TRAPPC6B: variants seen among roughly 807,000 people sequenced by gnomAD.
The protein encoded by TRAPPC6B is trafficking protein particle complex subunit 6B.
A neutral mutation model predicts 24.7 loss-of-function variants in TRAPPC6B; 27 were observed. That is an observed-to-expected ratio of 1.09 (90% CI 0.81 to 1.51). The LOEUF (loss-of-function observed/expected upper bound fraction) is 1.51. Ranked by LOEUF, TRAPPC6B falls within the 40% of genes most tolerant of loss-of-function variation. TRAPPC6B has a pLI of 0.00. For missense variants in TRAPPC6B, 212 were observed against 190.8 expected, an observed-to-expected ratio of 1.11 and a Z score of -0.66; for synonymous variants, 80 against 66.6, an observed-to-expected ratio of 1.20 and a Z score of -0.98.
chr14:39,165,690 G>A (rs1418217893), intron 1 of TRAPPC6B, among the ~76,000 whole-genome samples: 3 of 152,120 alleles, frequency 2.0e-5, no homozygotes, highest in South Asian at 2.1e-4. Context: ...CTAGCTATTC[G>A]AGAGGCTGAT....
At chr14:39,167,068 C>T (rs1793676678) in intron 1 of TRAPPC6B, among the ~76,000 whole-genome samples, 1 of 152,226 alleles carries the variant, frequency 6.6e-6, no homozygotes. Flanking sequence ...TATGCAGACA[C>T]TTTCAAATCC....
Position 39,148,014 on chromosome 14 carries a change from AG to A in TRAPPC6B, c.*2335del, listed in dbSNP as rs1449685374. The A allele has an allele frequency of 1.3e-5, 2 of 152,334 alleles. No individual in the cohort carries two copies. Among genetic ancestry groups the A allele is most frequent in the East Asian group, 3.9e-4 (2 of 5,184 alleles). 9.4% of individuals were successfully genotyped at this position (152,334 alleles called of 1,614,324 possible). On this transcript the variant is annotated 3_prime_UTR_variant, in exon 6 of 6. Coordinates refer to ENST00000330149, the MANE Select transcript of TRAPPC6B (RefSeq NM_001079537.2). ...ACCCAAAGCAAATGGAACAATATAA[AG>A]AATATCTCACATAACAAAAAGTCCA...
At chr14:39,169,854 C>T (rs1594548763) in intron 1 of TRAPPC6B, among the ~76,000 whole-genome samples, 161 bp downstream of exon 1, 1 of 152,276 alleles carries the variant, frequency 6.6e-6, no homozygotes, top group East Asian at 1.9e-4. Flanking sequence ...TCAAAGGAGA[C>T]AACTGACAGG....
chr14:39,167,744 AAAG>A (rs1380066989), intron 1 of TRAPPC6B, among the ~76,000 whole-genome samples: 4 of 152,306 alleles, frequency 2.6e-5, no homozygotes, highest in African/African-American at 9.6e-5. Context: ...GTAGAAAAAG[AAAG>A]TTATTTTTAG....
intron 1 of TRAPPC6B, among the ~76,000 whole-genome samples, chr14:39,161,590 TA>T (rs1247454364): frequency 6.6e-6 from 1 of 152,180 alleles, no homozygotes; most frequent in African/African-American, 2.4e-5. Flanking sequence ...TAAAATGCCT[TA>T]AAATCTGCCT....
intron 1 of TRAPPC6B, among the ~76,000 whole-genome samples, chr14:39,163,153 C>T (rs980177294): frequency 1.5e-4 from 23 of 150,474 alleles, no homozygotes; most frequent in South Asian, 2.1e-4. Context: ...GGGCGGATCA[C>T]GAAGTCAGGA....
At chr14:39,166,234 C>G (rs1300812472) in intron 1 of TRAPPC6B, among the ~76,000 whole-genome samples, 1 of 149,766 alleles carries the variant, frequency 6.7e-6, no homozygotes, top group Admixed American at 6.7e-5. Flanking sequence ...AGCCACCACA[C>G]TAACCCAGAG....
intron 3 of TRAPPC6B, chr14:39,157,506 CAAG>C (rs1278877565): frequency 2.5e-6 from 1 of 392,176 alleles, no homozygotes; most frequent in Non-Finnish European, 5.1e-6. Context: ...TGGAGGAGAA[CAAG>C]AAGGCTCAGC....
intron 1 of TRAPPC6B, among the ~76,000 whole-genome samples, chr14:39,166,234 C>T (rs1300812472): frequency 6.7e-6 from 1 of 149,766 alleles, no homozygotes; most frequent in African/African-American, 2.5e-5. Flanking sequence ...AGCCACCACA[C>T]TAACCCAGAG....
intron 1 of TRAPPC6B, among the ~76,000 whole-genome samples, chr14:39,168,344 C>A (rs2053130454): frequency 6.6e-6 from 1 of 151,772 alleles, no homozygotes; most frequent in Admixed American, 6.6e-5. Flanking sequence ...GGTGTGTTAA[C>A]TGTTCTAGAG....
chr14:39,167,112 T>C (rs969045529), intron 1 of TRAPPC6B, among the ~76,000 whole-genome samples: 1 of 152,214 alleles, frequency 6.6e-6, no homozygotes, highest in African/African-American at 2.4e-5. Flanking sequence ...TAAGCCCTAC[T>C]ACTTAATTTT....
intron 1 of TRAPPC6B, among the ~76,000 whole-genome samples, chr14:39,162,285 C>G (rs2053068112): frequency 6.6e-6 from 1 of 151,928 alleles, no homozygotes; most frequent in African/African-American, 2.4e-5. Context: ...CTCAGTCTCC[C>G]AAGTAGCTAG....
intron 4 of TRAPPC6B, 66 bp downstream of exon 4, chr14:39,154,145 T>C (rs2052948592): frequency 1.1e-6 from 1 of 951,784 alleles, no homozygotes; most frequent in African/African-American, 1.6e-5. Context: ...TTGTTATGAT[T>C]AGCACTGTAC....
Position 39,158,325 on chromosome 14 carries a change from A to T in TRAPPC6B, c.227T>A (p.Val76Glu). ...KFICKDFWTT[V>E]FKKQIDNLRT... ...TAGATTGTCGATTTGTTTCTTGAAT[A>T]CCGTAGTCCAAAAATCTTTACAAAT... The change falls in exon 3 of 6, where the codon GTA becomes GAA. Residue 76 changes from valine (V) to glutamate (E), a missense_variant. Transcript: ENST00000330149. 1 of 1,602,904 alleles carries T rather than the reference A, an allele frequency of 6.2e-7. No homozygotes were observed. Among genetic ancestry groups the T allele is most frequent in the Non-Finnish European group, 8.5e-7 (1 of 1,176,994 alleles).
At chr14:39,152,282 T>C (rs2052924911) in intron 4 of TRAPPC6B, among the ~76,000 whole-genome samples, 1 of 152,210 alleles carries the variant, frequency 6.6e-6, no homozygotes, top group South Asian at 2.1e-4. Context: ...TTTGTTAGCT[T>C]ACAAGCAGAA....
chr14:39,152,209 T>C (rs2052923851), intron 4 of TRAPPC6B, among the ~76,000 whole-genome samples: 1 of 152,226 alleles, frequency 6.6e-6, no homozygotes, highest in Admixed American at 6.5e-5. Context: ...GCAGAGTGAC[T>C]TGGCTATCTT....
rs181152748 is a variant in TRAPPC6B, at chr14:39,152,479, A to T, written c.352-640T>A. ...GTCATGACAAGAACTGGATTGAAAA[A>T]TTAGCAATTCAGGGAATTTTTGATT... On this transcript the variant is annotated intron_variant, in intron 4 of 5. Coordinates refer to ENST00000330149, the MANE Select transcript of TRAPPC6B (RefSeq NM_001079537.2). Among the ~76,000 whole-genome samples the T allele has an allele frequency of 2.4e-3, 361 of 152,340 alleles. 2 individuals are homozygous for T. Among genetic ancestry groups the T allele is most frequent in the Non-Finnish European group, 4.0e-3 (273 of 68,030 alleles).
intron 3 of TRAPPC6B, chr14:39,156,939 C>T: frequency 6.4e-6 from 1 of 156,818 alleles, no homozygotes; most frequent in Non-Finnish European, 1.4e-5. Context: ...GGTGAAACCC[C>T]ACCTCTACTA....
chr14:39,166,268 A>C (rs2053107744), intron 1 of TRAPPC6B, among the ~76,000 whole-genome samples: 1 of 114,436 alleles, frequency 8.7e-6, no homozygotes, highest in Admixed American at 9.5e-5. Flanking sequence ...AAAAAAAAAA[A>C]ACAAAAAAAC....
Sources: allele counts gnomAD v4.1 joint callset (sites outside exome capture counted in the v4.1 genomes callset), GRCh38; gene constraint gnomAD v4.1.1; transcripts MANE v1.5; gene names NCBI Gene and HGNC (gene_info 2026-07-23, HGNC 2026-07-21).